KCNIP4: variants seen among roughly 807,000 people sequenced by gnomAD.
KCNIP4 encodes the protein Kv channel-interacting protein 4.
KCNIP4 carries 12 observed loss-of-function variants against 34.0 expected under a neutral mutation model. That is an observed-to-expected ratio of 0.35 (90% CI 0.23 to 0.57). The LOEUF (loss-of-function observed/expected upper bound fraction) is 0.57, where lower values mean the gene tolerates loss of function less well. Among genes scored for constraint, KCNIP4 ranks in the 20% least tolerant of loss-of-function variants. KCNIP4 has a pLI of 0.83. For missense variants in KCNIP4, 238 were observed against 311.7 expected, an observed-to-expected ratio of 0.76 and a Z score of 1.78; for synonymous variants, 124 against 102.2, an observed-to-expected ratio of 1.21 and a Z score of -1.29.
chr4:21,234,349 TATATATAACATATATA>T (rs1336104922), intron 1 of KCNIP4, among the ~76,000 whole-genome samples: 1 of 98,986 alleles, frequency 1.0e-5, no homozygotes, highest in Non-Finnish European at 1.7e-5. Flanking sequence ...TAACATACAT[TATATATAACATATATA>T]ATATATAACA....
At chr4:21,702,311 T>C (rs1479729106) in intron 1 of KCNIP4, among the ~76,000 whole-genome samples, 1 of 152,258 alleles carries the variant, frequency 6.6e-6, no homozygotes, top group East Asian at 1.9e-4. Flanking sequence ...ACACTAATTC[T>C]ATCCTGAGCA....
At chr4:21,244,871 T>C (rs1760090613) in intron 1 of KCNIP4, among the ~76,000 whole-genome samples, 1 of 152,218 alleles carries the variant, frequency 6.6e-6, no homozygotes, top group Non-Finnish European at 1.5e-5. Context: ...AAAAATTGAA[T>C]ATTGCTTATG....
chr4:21,040,515 A>C (rs1164461307), intron 1 of KCNIP4, among the ~76,000 whole-genome samples: 1 of 152,232 alleles, frequency 6.6e-6, no homozygotes, highest in Non-Finnish European at 1.5e-5. Context: ...GTTAGAAGTC[A>C]AGTTTACTAT....
chr4:21,065,331 G>A (rs1005889426), intron 1 of KCNIP4, among the ~76,000 whole-genome samples: 1 of 152,060 alleles, frequency 6.6e-6, no homozygotes, highest in African/African-American at 2.4e-5. Context: ...GCTTAGGAAA[G>A]CAACAATTTG....
intron 1 of KCNIP4, among the ~76,000 whole-genome samples, chr4:20,885,926 A>T (rs1725255239): frequency 1.3e-5 from 2 of 152,150 alleles, no homozygotes; most frequent in African/African-American, 2.4e-5. Context: ...TTCAGATTTC[A>T]GTTCAATAAC....
chr4:20,864,369 G>A (rs936327263), intron 2 of KCNIP4, among the ~76,000 whole-genome samples: 3 of 150,442 alleles, frequency 2.0e-5, no homozygotes, highest in Middle Eastern at 7.3e-3. Context: ...ATATATGTAT[G>A]TTATACATTT....
In KCNIP4 at chr4:20,850,388, A is replaced by G. The variant is rs907637632; in HGVS notation, c.288+155T>C. 1.3e-5 allele frequency: 10 copies of G among 784,128 alleles called. No homozygotes were observed. The African/African-American group carries it at 1.4e-4, about 11-fold the overall frequency. The allele number at this position is 784,128 out of a possible 1,614,324, so 48.6% of individuals were successfully genotyped here. ...GGTGTGCCACAGAGAATCAAAGTCCACAGATACTGATTATATTCCTATCTG... is the reference window on the plus strand; with the variant it reads ...GGTGTGCCACAGAGAATCAAAGTCCGCAGATACTGATTATATTCCTATCTG... On this transcript the variant is annotated intron_variant, in intron 3 of 8. Coordinates refer to ENST00000382152, the MANE Select transcript of KCNIP4 (RefSeq NM_025221.6).
chr4:21,159,172 GA>G (rs1341175207), intron 1 of KCNIP4, among the ~76,000 whole-genome samples: 1 of 151,994 alleles, frequency 6.6e-6, no homozygotes, highest in African/African-American at 2.4e-5. Flanking sequence ...AGAAAAGAAA[GA>G]ACAAAGTTGG....
chr4:21,190,499 G>A (rs1293387447), intron 1 of KCNIP4, among the ~76,000 whole-genome samples: 1 of 144,088 alleles, frequency 6.9e-6, no homozygotes, highest in African/African-American at 2.8e-5. Flanking sequence ...TTCTTTTTGC[G>A]AGTGGGTGGG....
At chr4:21,131,680 T>G (rs944569186) in intron 1 of KCNIP4, among the ~76,000 whole-genome samples, 2 of 151,962 alleles carry the variant, frequency 1.3e-5, no homozygotes, top group Non-Finnish European at 2.9e-5. Context: ...AGCACAAGGG[T>G]GGATTCTGGG....
chr4:21,675,829 A>G (rs1749849112), intron 1 of KCNIP4, among the ~76,000 whole-genome samples: 2 of 152,300 alleles, frequency 1.3e-5, no homozygotes, highest in South Asian at 4.1e-4. Context: ...ATATTACATG[A>G]TCCAACTACT....
intron 1 of KCNIP4, among the ~76,000 whole-genome samples, chr4:20,883,564 T>C (rs894980487): frequency 2.6e-5 from 4 of 152,192 alleles, no homozygotes; most frequent in Non-Finnish European, 5.9e-5. Context: ...GGATGTCATG[T>C]TAATAGGTAA....
chr4:20,846,412 G>A (rs561819660), intron 3 of KCNIP4, among the ~76,000 whole-genome samples: 3 of 152,232 alleles, frequency 2.0e-5, no homozygotes, highest in East Asian at 3.9e-4. Flanking sequence ...TTGAACTGAA[G>A]CTATAACTGG....
chr4:20,909,298 A>G (rs997703607), intron 1 of KCNIP4, among the ~76,000 whole-genome samples: 13 of 152,104 alleles, frequency 8.5e-5, no homozygotes, highest in African/African-American at 3.1e-4. Flanking sequence ...TTCATAGAGC[A>G]TATTAGAGTG....
chr4:21,862,755 C>T lies in KCNIP4; in HGVS notation c.61+85816G>A, dbSNP rs144313733. On this transcript the variant is annotated intron_variant, in intron 1 of 8. Coordinates refer to ENST00000382152, the MANE Select transcript of KCNIP4 (RefSeq NM_025221.6). ...TTGGGAGGCTGAGGTGGGCAGATCA[C>T]GAGGTCAGGAGATCGAGACCACGGT... 2.8e-4 allele frequency among the ~76,000 whole-genome samples: 42 copies of T among 152,218 alleles called. No homozygotes were observed. In the East Asian group the frequency reaches 7.8e-3, roughly 28 times the overall value.
intron 1 of KCNIP4, among the ~76,000 whole-genome samples, chr4:21,862,448 T>C (rs184163331): frequency 9.2e-5 from 14 of 152,206 alleles, no homozygotes; most frequent in Admixed American, 8.5e-4. Flanking sequence ...ATAAGTAAAA[T>C]ACAATCAAAT....
chr4:21,329,925 T>C (rs1201200662), intron 1 of KCNIP4, among the ~76,000 whole-genome samples: 2 of 152,204 alleles, frequency 1.3e-5, no homozygotes, highest in Admixed American at 1.3e-4. Flanking sequence ...TCAGTATAAA[T>C]TGAGATGAGC....
At chr4:21,622,394 CA>C (rs1288337160) in intron 1 of KCNIP4, among the ~76,000 whole-genome samples, 1 of 152,118 alleles carries the variant, frequency 6.6e-6, no homozygotes, top group Admixed American at 6.5e-5. Flanking sequence ...TGCAATTCCA[CA>C]CCAATTAAAA....
intron 1 of KCNIP4, among the ~76,000 whole-genome samples, chr4:21,790,441 G>A (rs1242439946): frequency 6.6e-6 from 1 of 152,046 alleles, no homozygotes; most frequent in East Asian, 1.9e-4. Context: ...ACCAGAATAG[G>A]AGAGGAATTT....
Sources: allele counts gnomAD v4.1 joint callset (sites outside exome capture counted in the v4.1 genomes callset), GRCh38; gene constraint gnomAD v4.1.1; transcripts MANE v1.5; gene names NCBI Gene and HGNC (gene_info 2026-07-23, HGNC 2026-07-21).